Variants in KCNG2 observed in about 807,000 individuals in gnomAD.
KCNG2 encodes voltage-gated potassium channel regulatory subunit KCNG2.
In KCNG2, 7 loss-of-function variants were observed where a neutral mutation model predicts 12.3. That is an observed-to-expected ratio of 0.57 (90% CI 0.32 to 1.07). The LOEUF is 1.07. Ranked by LOEUF, KCNG2 falls within the 50% of genes least tolerant of loss-of-function variation. The pLI, the probability that KCNG2 is intolerant of heterozygous loss-of-function variation, is 0.04. For synonymous variants in KCNG2, 414 were observed against 351.4 expected, an observed-to-expected ratio of 1.18 and a Z score of -1.99; for missense variants, 703 against 726.0, an observed-to-expected ratio of 0.97 and a Z score of 0.36.
chr18:79,898,668 A>C lies in KCNG2; in HGVS notation c.625-372A>C, dbSNP rs998157164. Reference sequence around the variant, plus strand: ...GAGAAGGAGGATGCAGTCTTGACACAGATACCACAAATGCTCACCTTTCTT... The same window carrying C: ...GAGAAGGAGGATGCAGTCTTGACACCGATACCACAAATGCTCACCTTTCTT... On this transcript the variant is annotated intron_variant, in intron 3 of 3. Transcript: ENST00000316249. Among the ~76,000 whole-genome samples the C allele has an allele frequency of 3.3e-5, 5 of 152,264 alleles. No homozygotes were observed. The East Asian group carries it at 9.6e-4, about 29-fold the overall frequency.
At chr18:79,829,830 T>C (rs1255321910) in intron 1 of KCNG2, among the ~76,000 whole-genome samples, 1 of 152,232 alleles carries the variant, frequency 6.6e-6, no homozygotes, top group African/African-American at 2.4e-5. Flanking sequence ...CTCCAGGTCA[T>C]CGTTCTTACA....
At chr18:79,828,858 G>A (rs1179223978) in intron 1 of KCNG2, among the ~76,000 whole-genome samples, 1 of 138,788 alleles carries the variant, frequency 7.2e-6, no homozygotes, top group African/African-American at 2.9e-5. Flanking sequence ...ATGTGTCTGT[G>A]TGTGGGTGTC....
chr18:79,872,189 A>C (rs1979859668), intron 3 of KCNG2, among the ~76,000 whole-genome samples: 1 of 150,422 alleles, frequency 6.6e-6, no homozygotes, highest in African/African-American at 2.4e-5. Context: ...GATGGGGAAA[A>C]CATCGAAGAT....
rs180992574 is a variant in KCNG2, at chr18:79,867,527, G to T, written c.624+3236G>T. 4.7e-3 allele frequency among the ~76,000 whole-genome samples: 539 copies of T among 115,848 alleles called. 10 individuals are homozygous for T. Among genetic ancestry groups the T allele is most frequent in the African/African-American group, 0.016 (485 of 30,242 alleles). The allele number at this position is 115,848 out of a possible 152,430, so 76.0% of individuals were successfully genotyped here. A position where few individuals can be genotyped will look rare whatever the true frequency, so the allele number is the denominator to read the frequency against. ...CGTGAGCCCGGCGTGTGTCGTGTCT[G>T]GGGGGGGACCGTGAGCTCGTCGTGT... On this transcript the variant is annotated intron_variant, in intron 3 of 3. Transcript: ENST00000316249.
rs571442223 is a variant in KCNG2, at chr18:79,828,493, G to A, written c.-114-27886G>A. ...TGTGTGTGCATGAATGTGTGCATAT[G>A]TGTCTACATGAGTCTGTGTAGTGTA... On this transcript the variant is annotated intron_variant, in intron 1 of 3. Coordinates refer to ENST00000316249, the MANE Select transcript of KCNG2 (RefSeq NM_012283.2). Among the ~76,000 whole-genome samples the A allele has an allele frequency of 1.3e-4, 17 of 130,480 alleles. No individual in the cohort carries two copies. In the East Asian group the frequency reaches 1.9e-3, roughly 15 times the overall value. The allele number at this position is 130,480 out of a possible 152,430, so 85.6% of individuals were successfully genotyped here.
chr18:79,898,599 C>T (rs889198762), intron 3 of KCNG2, among the ~76,000 whole-genome samples: 9 of 152,184 alleles, frequency 5.9e-5, no homozygotes, highest in Admixed American at 1.3e-4. Flanking sequence ...GGTCTGTGTT[C>T]GTGGCTGCAG....
At chr18:79,840,116 A>G (rs905554249) in intron 1 of KCNG2, among the ~76,000 whole-genome samples, 1 of 152,186 alleles carries the variant, frequency 6.6e-6, no homozygotes, top group African/African-American at 2.4e-5. Flanking sequence ...AGCTCTGGTC[A>G]CTGCAGTGGG....
Position 79,900,006 on chromosome 18 carries a change from CAA to C in KCNG2, c.*192_*193del, listed in dbSNP as rs1430898845. 14 of 412,628 alleles carry C rather than the reference CAA, an allele frequency of 3.4e-5. No individual in the cohort carries two copies. Among genetic ancestry groups the C allele is most frequent in the African/African-American group, 8.3e-5 (4 of 48,020 alleles). 25.6% of individuals were successfully genotyped at this position (412,628 alleles called of 1,614,324 possible). A position where few individuals can be genotyped will look rare whatever the true frequency, so the allele number is the denominator to read the frequency against. ...CCTGACTCCCCGTGGCAGCGCTGGG[CAA>C]AGTCACTGGCCTTTGTCCTCCTGCC... On this transcript the variant is annotated 3_prime_UTR_variant, in exon 4 of 4. Coordinates refer to ENST00000316249, the MANE Select transcript of KCNG2 (RefSeq NM_012283.2).
At chr18:79,817,950 T>C (rs1313447285) in intron 1 of KCNG2, among the ~76,000 whole-genome samples, 2 of 152,156 alleles carry the variant, frequency 1.3e-5, no homozygotes, top group African/African-American at 2.4e-5. Context: ...CTGAGGTGCA[T>C]GGGTGCAGAG....
intron 1 of KCNG2, among the ~76,000 whole-genome samples, chr18:79,819,533 C>G (rs1334885462): frequency 1.3e-5 from 2 of 152,228 alleles, no homozygotes; most frequent in Non-Finnish European, 2.9e-5. Context: ...TGTGTTGGGC[C>G]TGGGTGTCAC....
rs747857297 is a variant in KCNG2, at chr18:79,800,274, T to A, written c.-115+2260T>A. ...CCAGGGACGGCCACCTGTGTCTGAGTACTGCGCGCCTGTCCACGGATGGGT... is the reference window on the plus strand; with the variant it reads ...CCAGGGACGGCCACCTGTGTCTGAGAACTGCGCGCCTGTCCACGGATGGGT... On this transcript the variant is annotated intron_variant, in intron 1 of 3. Transcript: ENST00000316249. The surrounding 1 kb of genome is among the most constrained non-coding windows in gnomAD (Gnocchi z 4.0). Among the ~76,000 whole-genome samples, 15 of 151,834 alleles carry A rather than the reference T, an allele frequency of 9.9e-5. No individual in the cohort carries two copies. Among genetic ancestry groups the A allele is most frequent in the Non-Finnish European group, 2.2e-4 (15 of 67,982 alleles).
Position 79,864,149 on chromosome 18 carries a change from G to A in KCNG2, c.482G>A (p.Arg161Gln). 1.1e-5 allele frequency: 15 copies of A among 1,421,520 alleles called. No individual in the cohort carries two copies. The highest frequency in any genetic ancestry group is 2.7e-5 in the Admixed American group (1 of 36,882). The allele number at this position is 1,421,520 out of a possible 1,614,324, so 88.1% of individuals were successfully genotyped here. The change falls in exon 3 of 4, where the codon CGG becomes CAG. Residue 161 changes from arginine to glutamine, a missense_variant. Transcript: ENST00000316249. ...GPRGRLQRGR[R>Q]RLRDVVDNPH... ...CGGGGGCGGCTGCAGCGCGGCCGGCGGCGCCTGCGCGACGTGGTGGACAAC... is the reference window on the plus strand; with the variant it reads ...CGGGGGCGGCTGCAGCGCGGCCGGCAGCGCCTGCGCGACGTGGTGGACAAC...
rs776240227 is a variant in KCNG2, at chr18:79,899,372, G to A, written c.957G>A (p.Ala319=). 36 of 1,558,710 alleles carry A rather than the reference G, an allele frequency of 2.3e-5. No individual in the cohort carries two copies. The highest frequency in any genetic ancestry group is 4.8e-5 in the East Asian group (2 of 41,902). The change falls in exon 4 of 4, where the codon GCG becomes GCA. Residue 319 remains alanine (A), a synonymous_variant. Coordinates refer to ENST00000316249, the MANE Select transcript of KCNG2 (RefSeq NM_012283.2). ...RSLGLTMRRC[A]REFGLLLLFL... is the part of the protein sequence containing the mutation. ...TGGGCCTGACCATGCGCCGCTGCGC[G>A]CGCGAGTTCGGGCTGCTGCTGCTGT...
intron 3 of KCNG2, among the ~76,000 whole-genome samples, chr18:79,872,468 T>C (rs1979887470): frequency 6.6e-6 from 1 of 152,104 alleles, no homozygotes; most frequent in South Asian, 2.1e-4. Context: ...GTATTTTTAG[T>C]AGAGACGGGT....
chr18:79,878,493 G>GC (rs35585885), intron 3 of KCNG2, among the ~76,000 whole-genome samples: 57 of 43,438 alleles, frequency 1.3e-3, no homozygotes, highest in East Asian at 0.012. Context: ...GGCGCCTGAT[G>GC]CCACGTGGCA....
intron 3 of KCNG2, among the ~76,000 whole-genome samples, chr18:79,872,839 G>T (rs982737597): frequency 6.6e-6 from 1 of 152,226 alleles, no homozygotes; most frequent in Non-Finnish European, 1.5e-5. Flanking sequence ...ACAGTGCTCA[G>T]CACACAGAAT....
At chr18:79,868,213 C>T (rs561694830) in intron 3 of KCNG2, among the ~76,000 whole-genome samples, 14 of 152,350 alleles carry the variant, frequency 9.2e-5, no homozygotes, top group Non-Finnish European at 1.9e-4. Flanking sequence ...ACCCCAAAAC[C>T]CCAGATCCTC....
chr18:79,899,997 A>G lies in KCNG2; in HGVS notation c.*181A>G. On this transcript the variant is annotated 3_prime_UTR_variant, in exon 4 of 4. Transcript: ENST00000316249. ...GGGGCCCTGCCTGACTCCCCGTGGC[A>G]GCGCTGGGCAAAGTCACTGGCCTTT... 6.8e-6 allele frequency: 3 copies of G among 444,290 alleles called. No homozygotes were observed. Among genetic ancestry groups the G allele is most frequent in the Non-Finnish European group, 1.1e-5 (3 of 273,776 alleles). 27.5% of individuals were successfully genotyped at this position (444,290 alleles called of 1,614,324 possible). A position where few individuals can be genotyped will look rare whatever the true frequency, so the allele number is the denominator to read the frequency against.
chr18:79,888,430 T>G (rs1468725675), intron 3 of KCNG2, among the ~76,000 whole-genome samples: 1 of 139,298 alleles, frequency 7.2e-6, no homozygotes, highest in African/African-American at 2.6e-5. Flanking sequence ...GAGGCCGCGG[T>G]GGGGCCGGGA....
Sources: gnomAD v4.1 joint callset for allele counts (sites outside exome capture counted in the v4.1 genomes callset) on GRCh38, gnomAD v4.1.1 for gene constraint, Gnocchi (gnomAD v3.1) non-coding constraint, MANE v1.5 for transcripts, NCBI Gene and HGNC (gene_info 2026-07-23, HGNC 2026-07-21) for gene names.